The following PRKG1 variants were observed in gnomAD, a reference collection of about 807,000 sequenced individuals.
The protein encoded by PRKG1 is protein kinase cGMP-dependent 1, also known as cGMP-dependent protein kinase 1.
In PRKG1, 35 loss-of-function variants were observed where a neutral mutation model predicts 88.1. The ratio of observed to expected loss-of-function variants is 0.40; its 90% confidence interval spans 0.30 to 0.53. The LOEUF (loss-of-function observed/expected upper bound fraction) is 0.53. Among genes scored for constraint, PRKG1 ranks in the 20% least tolerant of loss-of-function variants. The pLI is 0.59. For missense variants in PRKG1, 540 were observed against 839.8 expected (o/e 0.64, Z 4.41); for synonymous variants, 303 against 292.5 (o/e 1.04, Z -0.37).
chr10:52,065,215 A>C (rs1846328478), intron 7 of PRKG1, among the ~76,000 whole-genome samples: 1 of 152,196 alleles, frequency 6.6e-6, no homozygotes, highest in East Asian at 1.9e-4. Context: ...GTTATCATTA[A>C]ATATAGATAA....
At chr10:52,077,947 A>G (rs1204075990) in intron 7 of PRKG1, among the ~76,000 whole-genome samples, 1 of 152,150 alleles carries the variant, frequency 6.6e-6, no homozygotes, top group Non-Finnish European at 1.5e-5. Context: ...TGTCTTTGAG[A>G]GTCAATTTCT....
chr10:51,966,444 T>C (rs1843569150), intron 5 of PRKG1, among the ~76,000 whole-genome samples: 1 of 152,212 alleles, frequency 6.6e-6, no homozygotes, highest in African/African-American at 2.4e-5. Context: ...TCTTTTTCCA[T>C]GTCATAAATG....
intron 9 of PRKG1, among the ~76,000 whole-genome samples, chr10:52,175,638 T>G: frequency 6.6e-6 from 1 of 152,148 alleles, no homozygotes; most frequent in East Asian, 1.9e-4. Context: ...CCGTTTTCTC[T>G]GTATCCTCAC....
chr10:51,605,672 G>C (rs1170963071), intron 3 of PRKG1, among the ~76,000 whole-genome samples: 1 of 152,188 alleles, frequency 6.6e-6, no homozygotes, highest in Admixed American at 6.5e-5. Context: ...AATGACAATA[G>C]AGCCGGCCTT....
chr10:51,283,064 A>AT (rs1156756671), intron 2 of PRKG1, among the ~76,000 whole-genome samples: 1 of 152,126 alleles, frequency 6.6e-6, no homozygotes. Context: ...CATGACCCAT[A>AT]TTATAAACAG....
At chr10:51,804,747 C>G in intron 4 of PRKG1, 57 bp downstream of exon 4, 1 of 1,244,036 alleles carries the variant, frequency 8.0e-7, no homozygotes, top group Non-Finnish European at 1.2e-6. Flanking sequence ...GCCCTATTAT[C>G]TGAAATGCAG....
In PRKG1 at chr10:51,907,826, C is replaced by A. The variant is rs7083138; in HGVS notation, c.762+256C>A. The A allele has an allele frequency of 0.72, 264,342 of 365,840 alleles. 96,488 individuals are homozygous for A. The highest frequency in any genetic ancestry group is 0.87 in the African/African-American group (41,713 of 47,866). 22.7% of individuals were successfully genotyped at this position (365,840 alleles called of 1,614,324 possible). A position where few individuals can be genotyped will look rare whatever the true frequency, so the allele number is the denominator to read the frequency against. Reference sequence around the variant, plus strand: ...TGTGATAAATACCATGTTACTTTGACTTACTAGAATAGGAACTGGCATATT... The same window carrying A: ...TGTGATAAATACCATGTTACTTTGAATTACTAGAATAGGAACTGGCATATT... On this transcript the variant is annotated intron_variant, in intron 5 of 17. Transcript: ENST00000373980.
chr10:51,395,158 C>G (rs959634051), intron 2 of PRKG1, among the ~76,000 whole-genome samples: 5 of 152,110 alleles, frequency 3.3e-5, no homozygotes, highest in African/African-American at 1.2e-4. Context: ...GAGACTAATT[C>G]CTCTTTTGGG....
chr10:52,062,023 T>G (rs1846247626), intron 6 of PRKG1, among the ~76,000 whole-genome samples: 2 of 152,104 alleles, frequency 1.3e-5, no homozygotes, highest in Non-Finnish European at 2.9e-5. Flanking sequence ...TATGGGTAAG[T>G]AAATATATTT....
At chr10:51,903,103 A>C (rs190334351) in intron 4 of PRKG1, among the ~76,000 whole-genome samples, 1 of 152,282 alleles carries the variant, frequency 6.6e-6, no homozygotes, top group African/African-American at 2.4e-5. Context: ...AAAATTACTA[A>C]GATGAATTAA....
At chr10:51,693,445 A>G (rs146323132) in intron 3 of PRKG1, among the ~76,000 whole-genome samples, 4,423 of 151,724 alleles carry the variant, frequency 0.029, 191 homozygotes, top group African/African-American at 0.099. Flanking sequence ...TCTGTTGCCC[A>G]GGCTGGAGTG....
intron 1 of PRKG1, among the ~76,000 whole-genome samples, chr10:51,081,948 A>C (rs926977691): frequency 2.0e-5 from 3 of 152,168 alleles, no homozygotes; most frequent in African/African-American, 4.8e-5. Flanking sequence ...CTGTAGAGAC[A>C]GGGTCTCAGT....
chr10:51,001,923 T>C (rs958521250), intron 1 of PRKG1, among the ~76,000 whole-genome samples: 3 of 151,532 alleles, frequency 2.0e-5, no homozygotes, highest in Non-Finnish European at 4.4e-5. Context: ...GATTTATAAG[T>C]TTGAAAAGTG....
chr10:52,177,057 A>G (rs980670825), intron 9 of PRKG1, among the ~76,000 whole-genome samples: 2 of 152,104 alleles, frequency 1.3e-5, no homozygotes, highest in African/African-American at 2.4e-5. Context: ...TACTACGTTG[A>G]AAAAGATTGG....
At chr10:52,016,484 C>G (rs1478483235) in intron 5 of PRKG1, among the ~76,000 whole-genome samples, 1 of 152,180 alleles carries the variant, frequency 6.6e-6, no homozygotes, top group African/African-American at 2.4e-5. Context: ...AGATGAGATT[C>G]AAGTGGGGAC....
At chr10:51,579,340 A>C (rs2132182958) in intron 3 of PRKG1, among the ~76,000 whole-genome samples, 1 of 152,176 alleles carries the variant, frequency 6.6e-6, no homozygotes, top group Non-Finnish European at 1.5e-5. Flanking sequence ...TGAAATGCAC[A>C]TGAAATTAAT....
At chr10:51,868,244 G>T (rs985515471) in intron 4 of PRKG1, among the ~76,000 whole-genome samples, 1 of 152,158 alleles carries the variant, frequency 6.6e-6, no homozygotes, top group Non-Finnish European at 1.5e-5. Context: ...GAACAAAAGT[G>T]AAAGTAGCAA....
chr10:52,050,546 C>T (rs1326590811), intron 5 of PRKG1, among the ~76,000 whole-genome samples: 2 of 152,102 alleles, frequency 1.3e-5, no homozygotes, highest in Admixed American at 6.5e-5. Flanking sequence ...TGCAATTAAA[C>T]GTTTCAGAAT....
At chr10:52,105,706 A>G (rs1847403574) in intron 7 of PRKG1, among the ~76,000 whole-genome samples, 1 of 152,090 alleles carries the variant, frequency 6.6e-6, no homozygotes, top group Non-Finnish European at 1.5e-5. Context: ...TTTGTTGTAC[A>G]GATTATTTCA....
Sources: gnomAD v4.1 joint callset for allele counts (sites outside exome capture counted in the v4.1 genomes callset) on GRCh38, gnomAD v4.1.1 for gene constraint, MANE v1.5 for transcripts, NCBI Gene and HGNC (gene_info 2026-07-23, HGNC 2026-07-21) for gene names.